RPL36: variants seen among roughly 807,000 people sequenced by gnomAD.
The protein encoded by RPL36 is large ribosomal subunit protein eL36.
For synonymous variants in RPL36, 74 were observed against 56.0 expected (o/e 1.32, Z -1.44); for missense variants, 131 against 144.9 (o/e 0.90, Z 0.49).
chr19:5,691,555 G>A lies in RPL36; in HGVS notation c.252G>A (p.Lys84=). The change falls in exon 4 of 4, where the codon AAG becomes AAA. Residue 84 remains lysine (K), a synonymous_variant. Transcript: ENST00000347512. The stretch of plus-strand genomic sequence containing the variant: ...AGGTGGGGACGCACATCCGCGCCAA[G>A]AGGAAGCGGGAGGAGCTGAGCAACG... ...KKRVGTHIRA[K]RKREELSNVL... is the part of the protein sequence containing the mutation. 1.9e-6 allele frequency: 3 copies of A among 1,611,748 alleles called. No homozygotes were observed. The highest frequency in any genetic ancestry group is 1.7e-6 in the Non-Finnish European group (2 of 1,179,900).
In RPL36 at chr19:5,691,689, G is replaced by T; in HGVS notation, c.*68G>T. ...AGAAGCCCTGGCTCTCCTGCTGTCC[G>T]TGGGTGGGTGTGGGTGTGTCGGGGG... On this transcript the variant is annotated 3_prime_UTR_variant, in exon 4 of 4. Coordinates refer to ENST00000347512, the MANE Select transcript of RPL36 (RefSeq NM_033643.3). 6.9e-7 allele frequency: 1 copy of T among 1,446,114 alleles called. No individual in the cohort carries two copies. Among genetic ancestry groups the T allele is most frequent in the Non-Finnish European group, 9.5e-7 (1 of 1,053,990 alleles). The allele number at this position is 1,446,114 out of a possible 1,614,324, so 89.6% of individuals were successfully genotyped here. A position where few individuals can be genotyped will look rare whatever the true frequency, so the allele number is the denominator to read the frequency against.
chr19:5,691,674 G>T lies in RPL36; in HGVS notation c.*53G>T. 6.5e-7 allele frequency: 1 copy of T among 1,532,132 alleles called. No homozygotes were observed. The highest frequency in any genetic ancestry group is 1.9e-5 in the Admixed American group (1 of 51,452). The allele number at this position is 1,532,132 out of a possible 1,614,324, so 94.9% of individuals were successfully genotyped here. On this transcript the variant is annotated 3_prime_UTR_variant, in exon 4 of 4. Transcript: ENST00000347512. ...AAAGAACAGCTTGACAGAAGCCCTG[G>T]CTCTCCTGCTGTCCGTGGGTGGGTG...
chr19:5,691,121 G>C, intron 2 of RPL36, 198 bp from the exon 3 acceptor site: 1 of 702,732 alleles, frequency 1.4e-6, no homozygotes, highest in Non-Finnish European at 2.4e-6. Flanking sequence ...CGTCCTGCCA[G>C]TGTTGCGGAG....
chr19:5,690,738 G>T, intron 2 of RPL36, 138 bp downstream of exon 2: 1 of 710,028 alleles, frequency 1.4e-6, no homozygotes, highest in Non-Finnish European at 2.4e-6. Flanking sequence ...GAGATGGGGT[G>T]GGGGAGTGGG....
chr19:5,690,631 G>A (rs1171582559), intron 2 of RPL36, 31 bp downstream of exon 2: 1 of 1,523,294 alleles, frequency 6.6e-7, no homozygotes, highest in South Asian at 1.2e-5. Context: ...GAGGTTGTCG[G>A]GGGTTTCTTG....
At position 5,691,657 on chromosome 19, in the gene RPL36, G is replaced by A. The variant is rs1295443073; in HGVS notation, c.*36G>A. ...TGCCCTCTCCCTGAAATAAAGAACA[G>A]CTTGACAGAAGCCCTGGCTCTCCTG... On this transcript the variant is annotated 3_prime_UTR_variant, in exon 4 of 4. Transcript: ENST00000347512. 2 of 1,567,924 alleles carry A rather than the reference G, an allele frequency of 1.3e-6. No homozygotes were observed.
chr19:5,690,629 CGGG>C, intron 2 of RPL36, 29 bp downstream of exon 2: 1 of 1,533,086 alleles, frequency 6.5e-7, no homozygotes, highest in Non-Finnish European at 8.8e-7. Flanking sequence ...CGGAGGTTGT[CGGG>C]GGTTTCTTGG....
intron 2 of RPL36, chr19:5,690,886 C>T (rs991485866): frequency 3.6e-6 from 2 of 561,886 alleles, no homozygotes; most frequent in East Asian, 3.0e-5. Flanking sequence ...TAGGAGTTCG[C>T]TCATGGAGCT....
rs373784961 is a variant in RPL36, at chr19:5,691,309, T to TC, written c.94-4dup. ...CCCCCTACCCTGACGGCCGCCCCTTTCCCCCCTAGCGTCTGACCAAACACA... is the reference window on the plus strand; with the variant it reads ...CCCCCTACCCTGACGGCCGCCCCTTTCCCCCCCTAGCGTCTGACCAAACACA... On this transcript the variant is annotated splice_polypyrimidine_tract_variant and intron_variant, in intron 2 of 3. Coordinates refer to ENST00000347512, the MANE Select transcript of RPL36 (RefSeq NM_033643.3). 175 of 1,610,242 alleles carry TC rather than the reference T, an allele frequency of 1.1e-4. No homozygotes were observed. Among genetic ancestry groups the TC allele is most frequent in the African/African-American group, 2.5e-4 (19 of 74,774 alleles).
Position 5,690,525 on chromosome 19 carries a change from T to A in RPL36, c.18T>A (p.Pro6=), listed in dbSNP as rs1599436114. The A allele has an allele frequency of 1.9e-6, 3 of 1,562,694 alleles. No individual in the cohort carries two copies. Among genetic ancestry groups the A allele is most frequent in the Non-Finnish European group, 2.6e-6 (3 of 1,153,994 alleles). Residue 6 remains proline, a synonymous_variant, in exon 2 of 4, where the codon CCT becomes CCA. Transcript: ENST00000347512. MALRY[P]MAVGLNKGHK... The stretch of plus-strand genomic sequence containing the variant: ...CCGCAGCCATGGCCCTACGCTACCC[T>A]ATGGCCGTGGGCCTCAACAAGGGCC...
At chr19:5,691,247 C>G in intron 2 of RPL36, 72 bp from the exon 3 acceptor site, 1 of 1,603,286 alleles carries the variant, frequency 6.2e-7, no homozygotes. Context: ...GAAATCGCGG[C>G]AGCGCGAGAG....
At chr19:5,691,135 G>A in intron 2 of RPL36, 184 bp from the exon 3 acceptor site, 1 of 783,822 alleles carries the variant, frequency 1.3e-6, no homozygotes, top group Non-Finnish European at 2.1e-6. Flanking sequence ...TGCGGAGACT[G>A]GGACTTAGGG....
Position 5,691,574 on chromosome 19 carries a change from A to G in RPL36, c.271A>G (p.Ser91Gly). 1 of 1,611,496 alleles carries G rather than the reference A, an allele frequency of 6.2e-7. No individual in the cohort carries two copies. The highest frequency in any genetic ancestry group is 2.2e-5 in the East Asian group (1 of 44,874). Residue 91 changes from serine to glycine, a missense_variant, in exon 4 of 4, where the codon AGC (serine) becomes GGC (glycine). Ser to Gly is a moderately conservative substitution (Grantham distance 56, BLOSUM62 0). Coordinates refer to ENST00000347512, the MANE Select transcript of RPL36 (RefSeq NM_033643.3). Reference protein sequence around the residue: ...IRAKRKREELSNVLAAMRKAA... With the variant: ...IRAKRKREELGNVLAAMRKAA... ...CGCCAAGAGGAAGCGGGAGGAGCTG[A>G]GCAACGTACTGGCCGCCATGAGGAA...
chr19:5,690,390 G>T (rs2054800897), intron 1 of RPL36, 63 bp downstream of exon 1: 2 of 809,252 alleles, frequency 2.5e-6, no homozygotes, highest in African/African-American at 3.4e-5. Flanking sequence ...CTCTGTGCAG[G>T]TTGGAGGATG....
chr19:5,690,719 TGAATG>T (rs2054806346), intron 2 of RPL36, 119 bp downstream of exon 2: 2 of 801,294 alleles, frequency 2.5e-6, no homozygotes, highest in Non-Finnish European at 4.1e-6. Flanking sequence ...AAGGGGGGCT[TGAATG>T]GAAGAGATGG....
chr19:5,691,070 A>G, intron 2 of RPL36: 1 of 592,320 alleles, frequency 1.7e-6, no homozygotes, highest in Non-Finnish European at 3.0e-6. Flanking sequence ...GTGTCAGTGT[A>G]TTGGGCGCCT....
chr19:5,690,442 G>A, intron 1 of RPL36, 64 bp from the exon 2 acceptor site: 1 of 1,264,786 alleles, frequency 7.9e-7, no homozygotes, highest in Non-Finnish European at 1.1e-6. Context: ...GGGACGCGGG[G>A]CTCTGGGCCT....
At chr19:5,691,252 C>T (rs533037604) in intron 2 of RPL36, 67 bp from the exon 3 acceptor site, 1 of 1,606,150 alleles carries the variant, frequency 6.2e-7, no homozygotes, top group Admixed American at 1.7e-5. Flanking sequence ...CGCGGCAGCG[C>T]GAGAGAAGCT....
At position 5,690,934 on chromosome 19, in the gene RPL36, GGT is replaced by G. The variant is rs540865398; in HGVS notation, c.93+339_93+340del. The G allele has an allele frequency of 8.0e-4, 436 of 541,904 alleles. 2 individuals are homozygous for G. The highest frequency in any genetic ancestry group is 7.9e-3 in the African/African-American group (416 of 52,676). The allele number at this position is 541,904 out of a possible 1,614,324, so 33.6% of individuals were successfully genotyped here. On this transcript the variant is annotated intron_variant, in intron 2 of 3. Transcript: ENST00000347512. The stretch of plus-strand genomic sequence containing the variant: ...CGGTGTGTGAGGTTGAGGGATTTCA[GGT>G]GTGTCAGTGTATTGGGCGCCTTTAT...
Sources: gnomAD v4.1 joint callset for allele counts on GRCh38, gnomAD v4.1.1 for gene constraint, MANE v1.5 for transcripts, NCBI Gene and HGNC (gene_info 2026-07-23, HGNC 2026-07-21) for gene names.